The following CNMD variants were observed in gnomAD, a reference collection of about 807,000 sequenced individuals.
CNMD encodes the protein leukocyte cell-derived chemotaxin 1.
In CNMD, 30 loss-of-function variants were observed where a neutral mutation model predicts 37.5. That is an observed-to-expected ratio of 0.80 (90% confidence interval 0.60 to 1.09). The LOEUF is 1.09. Among genes scored for constraint, CNMD ranks in the 50% least tolerant of loss-of-function variants. The pLI, the probability that CNMD is intolerant of heterozygous loss-of-function variation, is 0.00. For missense variants in CNMD, 398 were observed against 423.9 expected (o/e 0.94, Z 0.54); for synonymous variants, 167 against 148.2 (o/e 1.13, Z -0.92).
At chr13:52,711,666 A>G (rs979795838) in intron 5 of CNMD, among the ~76,000 whole-genome samples, 1 of 152,246 alleles carries the variant, frequency 6.6e-6, no homozygotes, top group Non-Finnish European at 1.5e-5. Context: ...TAGTCGTGGC[A>G]GATCAGAAAC....
intron 5 of CNMD, among the ~76,000 whole-genome samples, chr13:52,709,298 T>G (rs1346183379): frequency 6.6e-6 from 1 of 152,124 alleles, no homozygotes; most frequent in Non-Finnish European, 1.5e-5. Flanking sequence ...CTTGATGGTA[T>G]CATTGAGTAG....
At chr13:52,717,137 GCTCT>G (rs1964403984) in intron 4 of CNMD, among the ~76,000 whole-genome samples, 3 of 151,892 alleles carry the variant, frequency 2.0e-5, no homozygotes, top group African/African-American at 4.8e-5. Flanking sequence ...TCATGATTTG[GCTCT>G]CTGTCTATTA....
At chr13:52,713,821 GGGGAAGA>G (rs1964328287) in intron 4 of CNMD, among the ~76,000 whole-genome samples, 2 of 152,156 alleles carry the variant, frequency 1.3e-5, no homozygotes, top group African/African-American at 2.4e-5. Flanking sequence ...TAAAGTGTGT[GGGGAAGA>G]GTGGGGTGAT....
chr13:52,722,647 C>T (rs140984480), intron 4 of CNMD, among the ~76,000 whole-genome samples: 2 of 152,184 alleles, frequency 1.3e-5, no homozygotes, highest in African/African-American at 4.8e-5. Context: ...AAATAAAAGA[C>T]AGTAATCAAT....
At chr13:52,738,577 AATGGGTCTGAAT>A (rs1190200311) in intron 2 of CNMD, among the ~76,000 whole-genome samples, 4 of 152,226 alleles carry the variant, frequency 2.6e-5, no homozygotes, top group Admixed American at 6.5e-5. Flanking sequence ...ATTCCTTCCC[AATGGGTCTGAAT>A]ATGGGTCTGA....
chr13:52,739,339 T>C lies in CNMD; in HGVS notation c.73-168A>G. The C allele has an allele frequency of 1.2e-6, 1 of 815,394 alleles. No individual in the cohort carries two copies. Among genetic ancestry groups the C allele is most frequent in the Non-Finnish European group, 1.8e-6 (1 of 546,146 alleles). 50.5% of individuals were successfully genotyped at this position (815,394 alleles called of 1,614,324 possible). A position where few individuals can be genotyped will look rare whatever the true frequency, so the allele number is the denominator to read the frequency against. On this transcript the variant is annotated intron_variant, in intron 1 of 6. Transcript: ENST00000377962. This position sits in a 1 kb window ranked among gnomAD's most constrained non-coding sequence, Gnocchi z 5.4. ...CTTTCGCCGCGCTCCCTCCCGAGGG[T>C]CCTTTGCAGTCGGGCGTGGAAGTGG... is the stretch of plus-strand genomic sequence containing the variant.
At chr13:52,705,949 G>A (rs942376341) in intron 6 of CNMD, among the ~76,000 whole-genome samples, 6 of 152,158 alleles carry the variant, frequency 3.9e-5, no homozygotes, top group Admixed American at 1.3e-4. Context: ...AGGTAGTAAA[G>A]TATTGTGGCA....
intron 4 of CNMD, among the ~76,000 whole-genome samples, chr13:52,718,623 T>C (rs1327719301): frequency 6.6e-6 from 1 of 152,228 alleles, no homozygotes; most frequent in African/African-American, 2.4e-5. Flanking sequence ...CAGGAGCAGG[T>C]TGTTCAGTTT....
At chr13:52,718,751 C>T (rs1017723254) in intron 4 of CNMD, among the ~76,000 whole-genome samples, 1 of 151,098 alleles carries the variant, frequency 6.6e-6, no homozygotes, top group Non-Finnish European at 1.5e-5. Flanking sequence ...GAGTGTTTTT[C>T]TTCCAATTTT....
At chr13:52,719,901 G>A (rs760658543) in intron 4 of CNMD, among the ~76,000 whole-genome samples, 1 of 152,160 alleles carries the variant, frequency 6.6e-6, no homozygotes, top group Non-Finnish European at 1.5e-5. Flanking sequence ...AGTTCTCCTG[G>A]ATAATATCCT....
At chr13:52,737,956 T>A (rs1276646582) in intron 2 of CNMD, among the ~76,000 whole-genome samples, 3 of 152,268 alleles carry the variant, frequency 2.0e-5, no homozygotes, top group Non-Finnish European at 4.4e-5. Context: ...ATGGCATGCT[T>A]ATCTACATTA....
chr13:52,728,625 C>G (rs1566229459), intron 3 of CNMD, among the ~76,000 whole-genome samples: 2 of 152,124 alleles, frequency 1.3e-5, no homozygotes. Flanking sequence ...AAACAGAAGG[C>G]AGGGAGGGAG....
intron 3 of CNMD, 134 bp downstream of exon 3, chr13:52,733,085 G>T: frequency 1.2e-6 from 1 of 822,974 alleles, no homozygotes; most frequent in Middle Eastern, 2.3e-4. Flanking sequence ...ACATGTAGTG[G>T]ATTAGTGGCA....
At chr13:52,707,999 C>T (rs1366901282) in intron 6 of CNMD, among the ~76,000 whole-genome samples, 1 of 151,790 alleles carries the variant, frequency 6.6e-6, no homozygotes. Context: ...CCTGAAATCC[C>T]AGCTACTTGG....
chr13:52,734,236 A>G (rs763905841), intron 2 of CNMD, among the ~76,000 whole-genome samples: 1 of 152,178 alleles, frequency 6.6e-6, no homozygotes, highest in Non-Finnish European at 1.5e-5. Flanking sequence ...GGTGGCTTTC[A>G]TCTATGTCCT....
intron 4 of CNMD, among the ~76,000 whole-genome samples, chr13:52,715,468 A>G (rs957698381): frequency 6.6e-6 from 1 of 152,142 alleles, no homozygotes. Flanking sequence ...CGTCATCTAC[A>G]TTAGATATTT....
At chr13:52,729,221 T>A (rs1964623547) in intron 3 of CNMD, among the ~76,000 whole-genome samples, 1 of 152,182 alleles carries the variant, frequency 6.6e-6, no homozygotes, top group Non-Finnish European at 1.5e-5. Context: ...TTGGAGAAGT[T>A]TCTTGTCACA....
chr13:52,716,937 G>A (rs1360261390), intron 4 of CNMD, among the ~76,000 whole-genome samples: 2 of 152,124 alleles, frequency 1.3e-5, no homozygotes, highest in Non-Finnish European at 2.9e-5. Flanking sequence ...ATTACTTTGG[G>A]CAATATGGCC....
chr13:52,710,280 TTAAC>T (rs1269058580), intron 5 of CNMD, among the ~76,000 whole-genome samples: 1 of 152,224 alleles, frequency 6.6e-6, no homozygotes, highest in Non-Finnish European at 1.5e-5. Context: ...TCTGCTTCTT[TTAAC>T]TAACTAAATG....
Sources: gnomAD v4.1 joint callset for allele counts (sites outside exome capture counted in the v4.1 genomes callset) on GRCh38, gnomAD v4.1.1 for gene constraint, Gnocchi (gnomAD v3.1) non-coding constraint, MANE v1.5 for transcripts, NCBI Gene and HGNC (gene_info 2026-07-23, HGNC 2026-07-21) for gene names.